The following CRYBG1 variants were observed in gnomAD, a reference collection of about 807,000 sequenced individuals.
CRYBG1 encodes the protein crystallin beta-gamma domain containing 1.
A neutral mutation model predicts 189.2 loss-of-function variants in CRYBG1; 139 were observed. The ratio of observed to expected loss-of-function variants is 0.73; its 90% CI spans 0.64 to 0.85. The LOEUF is 0.85. Among genes scored for constraint, CRYBG1 ranks in the 40% least tolerant of loss-of-function variants. The pLI, the probability that CRYBG1 is intolerant of heterozygous loss-of-function variation, is 0.00. For missense variants in CRYBG1, 2,611 were observed against 2,675.8 expected (o/e 0.98, Z 0.53); for synonymous variants, 1,023 against 1,017.1 (o/e 1.01, Z -0.11).
intron 2 of CRYBG1, among the ~76,000 whole-genome samples, chr6:106,489,172 C>A (rs1374065357): frequency 6.6e-6 from 1 of 152,200 alleles, no homozygotes. Flanking sequence ...GGATTCCTTA[C>A]TCCCCTTTCT....
intron 1 of CRYBG1, among the ~76,000 whole-genome samples, chr6:106,367,169 T>G (rs1772016853): frequency 6.6e-6 from 1 of 152,218 alleles, no homozygotes; most frequent in Non-Finnish European, 1.5e-5. Flanking sequence ...CCCCCCTCTA[T>G]TTCCACACTT....
chr6:106,502,995 T>C (rs1158148425), intron 2 of CRYBG1, among the ~76,000 whole-genome samples: 6 of 152,210 alleles, frequency 3.9e-5, no homozygotes, highest in African/African-American at 1.4e-4. Flanking sequence ...TAATGAAGCC[T>C]TCCCATCTGG....
chr6:106,505,448 T>C (rs1415860133), intron 2 of CRYBG1, among the ~76,000 whole-genome samples: 1 of 152,064 alleles, frequency 6.6e-6, no homozygotes, highest in Non-Finnish European at 1.5e-5. Flanking sequence ...AGTCTGGTCT[T>C]GAACTCCTGA....
chr6:106,412,143 CACAGATAGG>C (rs1164111752), intron 1 of CRYBG1, among the ~76,000 whole-genome samples: 1 of 152,236 alleles, frequency 6.6e-6, no homozygotes, highest in Admixed American at 6.5e-5. Context: ...CATCGTTATT[CACAGATAGG>C]ACAGCTTTTT....
Position 106,519,628 on chromosome 6 carries a change from T to C in CRYBG1, c.2420T>C (p.Val807Ala). The change falls in exon 4 of 22, where the codon GTC becomes GCC. Residue 807 changes from valine to alanine, a missense_variant. By Grantham distance (64) the Val-to-Ala change is moderately conservative. Coordinates refer to ENST00000633556, the MANE Select transcript of CRYBG1 (RefSeq NM_001371242.2). ...SEPVASALIP[V>A]KDHKLLEKED... ...CCAGTGGCTTCTGCTCTGATTCCTG[T>C]CAAGGATCATAAGCTCTTAGAGAAG... is the stretch of plus-strand genomic sequence containing the variant. The C allele has an allele frequency of 6.2e-7, 1 of 1,614,172 alleles. No homozygotes were observed. The highest frequency in any genetic ancestry group is 8.5e-7 in the Non-Finnish European group (1 of 1,180,016).
intron 2 of CRYBG1, among the ~76,000 whole-genome samples, chr6:106,509,289 A>G (rs1160530250): frequency 1.3e-5 from 2 of 152,368 alleles, no homozygotes; most frequent in East Asian, 3.8e-4. Flanking sequence ...ACCCATAAGG[A>G]TAGCTCAGTA....
intron 8 of CRYBG1, among the ~76,000 whole-genome samples, chr6:106,531,413 C>T (rs1773872955): frequency 6.6e-6 from 1 of 152,182 alleles, no homozygotes; most frequent in Admixed American, 6.5e-5. Flanking sequence ...GACTTGCTCT[C>T]TGTTATTCCA....
rs377596539 is a variant in CRYBG1 at position 106,519,757 on chromosome 6, C to G, written c.2549C>G (p.Thr850Arg). The G allele has an allele frequency of 2.5e-6, 4 of 1,614,068 alleles. No homozygotes were observed. The East Asian group carries it at 8.9e-5, about 36-fold the overall frequency. Residue 850 changes from threonine to arginine, a missense_variant, in exon 4 of 22, where the codon ACG becomes AGG. Physicochemically the swap from Thr to Arg is moderately conservative, Grantham distance 71. This residue lies in a region of CRYBG1 where 1,622 missense variants were observed against 1,735.0 expected (regional missense o/e 0.93). Coordinates refer to ENST00000633556, the MANE Select transcript of CRYBG1 (RefSeq NM_001371242.2). Reference protein sequence around the residue: ...TTVDTKDLPPTAMPKPQHTFS... With the variant: ...TTVDTKDLPPRAMPKPQHTFS... ...GTGGATACCAAAGATTTACCTCCAA[C>G]GGCCATGCCAAAGCCACAGCATACA...
intron 1 of CRYBG1, among the ~76,000 whole-genome samples, chr6:106,395,800 CAT>C (rs112589535): frequency 0.081 from 12,240 of 151,412 alleles, 634 homozygotes; most frequent in East Asian, 0.15. Flanking sequence ...ACCCCATATA[CAT>C]ATATATATAT....
At chr6:106,556,599 A>G (rs1012821302) in intron 17 of CRYBG1, among the ~76,000 whole-genome samples, 1 of 152,196 alleles carries the variant, frequency 6.6e-6, no homozygotes, top group African/African-American at 2.4e-5. Flanking sequence ...GATGTAGTGG[A>G]AGTAATATTC....
At position 106,520,300 on chromosome 6, in the gene CRYBG1, C is replaced by T. The variant is rs750404132; in HGVS notation, c.3092C>T (p.Pro1031Leu). The T allele has an allele frequency of 5.0e-6, 8 of 1,614,142 alleles. No individual in the cohort carries two copies. The highest frequency in any genetic ancestry group is 2.2e-5 in the East Asian group (1 of 44,882). The change falls in exon 4 of 22, where the codon CCG (proline) becomes CTG (leucine). Residue 1031 changes from proline to leucine, a missense_variant. Around this residue, in one of 3 missense-constraint regions of CRYBG1, gnomAD observed 1,622 missense variants for 1,735.0 expected, o/e 0.93. Transcript: ENST00000633556. Reference sequence around the variant, plus strand: ...GCAAAATCTGGCCCACAAGTCATACCGCCAGCATCAGAGAAAACTCTGCCT... The same window carrying T: ...GCAAAATCTGGCCCACAAGTCATACTGCCAGCATCAGAGAAAACTCTGCCT... ...LAAKSGPQVI[P>L]PASEKTLPIQ...
At chr6:106,454,497 T>A (rs1286926332) in intron 2 of CRYBG1, among the ~76,000 whole-genome samples, 1 of 152,224 alleles carries the variant, frequency 6.6e-6, no homozygotes, top group Non-Finnish European at 1.5e-5. Context: ...CATTCCAAAT[T>A]ACCCTTCTCT....
chr6:106,520,516 C>A lies in CRYBG1; in HGVS notation c.3308C>A (p.Ser1103Tyr), dbSNP rs768045613. The change falls in exon 4 of 22, where the codon TCT (serine) becomes TAT (tyrosine). Residue 1103 changes from serine (S) to tyrosine (Y), a missense_variant. Around this residue, in one of 3 missense-constraint regions of CRYBG1, gnomAD observed 1,622 missense variants for 1,735.0 expected, o/e 0.93. Coordinates refer to ENST00000633556, the MANE Select transcript of CRYBG1 (RefSeq NM_001371242.2). ...GATGATAGTGTATTTGATTCTTCTTCTGATATGGAAAAATTCACTGAAATT... is the reference window on the plus strand; with the variant it reads ...GATGATAGTGTATTTGATTCTTCTTATGATATGGAAAAATTCACTGAAATT... Reference protein sequence around the residue: ...GSDDSVFDSSSDMEKFTEIIK... With the variant: ...GSDDSVFDSSYDMEKFTEIIK... 2.8e-5 allele frequency: 45 copies of A among 1,614,020 alleles called. No individual in the cohort carries two copies. The highest frequency in any genetic ancestry group is 3.3e-5 in the Non-Finnish European group (39 of 1,180,038).
At chr6:106,405,173 C>T (rs2114361237) in intron 1 of CRYBG1, among the ~76,000 whole-genome samples, 1 of 152,324 alleles carries the variant, frequency 6.6e-6, no homozygotes, top group East Asian at 1.9e-4. Context: ...CTGAAGTCAA[C>T]CTGGGATGCT....
intron 2 of CRYBG1, among the ~76,000 whole-genome samples, chr6:106,486,904 T>C (rs986123283): frequency 6.6e-6 from 1 of 152,200 alleles, no homozygotes; most frequent in African/African-American, 2.4e-5. Context: ...TCCATTTACA[T>C]TCAAGGTTGT....
chr6:106,436,249 C>T (rs2114413279), intron 1 of CRYBG1, among the ~76,000 whole-genome samples: 1 of 151,804 alleles, frequency 6.6e-6, no homozygotes, highest in South Asian at 2.1e-4. Context: ...TAGTGTATTT[C>T]CTTTCAGTAT....
rs1031737920 is a variant in CRYBG1, at chr6:106,567,002, A to T, written c.6302-1470A>T. 2.6e-5 allele frequency among the ~76,000 whole-genome samples: 4 copies of T among 152,332 alleles called. No individual in the cohort carries two copies. In the Middle Eastern group the frequency reaches 0.01, roughly 389 times the overall value. On this transcript the variant is annotated intron_variant, in intron 21 of 21. Coordinates refer to ENST00000633556, the MANE Select transcript of CRYBG1 (RefSeq NM_001371242.2). The stretch of plus-strand genomic sequence containing the variant: ...ATTCATGTTCACTTTAAAAAACATG[A>T]AGTCTGCACAATTTAAACACTCTCC...
At chr6:106,365,155 G>A (rs1280084496) in intron 1 of CRYBG1, among the ~76,000 whole-genome samples, 4 of 152,286 alleles carry the variant, frequency 2.6e-5, no homozygotes, top group South Asian at 4.1e-4. Context: ...AAGGCTGCAT[G>A]TGGTGGCCCA....
intron 4 of CRYBG1, among the ~76,000 whole-genome samples, chr6:106,522,353 T>C (rs927957752): frequency 3.9e-5 from 6 of 152,216 alleles, no homozygotes; most frequent in Non-Finnish European, 8.8e-5. Context: ...GGGAAATATT[T>C]TTTTTACCCT....
Sources: allele counts gnomAD v4.1 joint callset (sites outside exome capture counted in the v4.1 genomes callset), GRCh38; gene constraint gnomAD v4.1.1; regional missense constraint gnomAD v4.1.1; transcripts MANE v1.5; gene names NCBI Gene and HGNC (gene_info 2026-07-23, HGNC 2026-07-21).